PHACTR1: variants seen among roughly 807,000 people sequenced by gnomAD.
PHACTR1 encodes the protein RPEL repeat containing 1.
PHACTR1 carries 16 observed loss-of-function variants against 69.2 expected under a neutral mutation model. That is an observed-to-expected ratio of 0.23 (90% CI 0.16 to 0.35). The LOEUF (loss-of-function observed/expected upper bound fraction) is 0.35, where lower values mean the gene tolerates loss of function less well. Ranked by LOEUF, PHACTR1 falls within the 10% of genes least tolerant of loss-of-function variation. PHACTR1 has a pLI of 1.00. For missense variants in PHACTR1, 510 were observed against 734.7 expected, an observed-to-expected ratio of 0.69 and a Z score of 3.54; for synonymous variants, 312 against 284.5, an observed-to-expected ratio of 1.10 and a Z score of -0.97.
chr6:12,773,371 T>G (rs576410759), intron 4 of PHACTR1, among the ~76,000 whole-genome samples: 1 of 152,312 alleles, frequency 6.6e-6, no homozygotes, highest in African/African-American at 2.4e-5. Flanking sequence ...AACAATAGTG[T>G]GACAAATGGT....
intron 4 of PHACTR1, among the ~76,000 whole-genome samples, chr6:12,836,253 C>T (rs1307064967): frequency 6.6e-6 from 1 of 152,156 alleles, no homozygotes; most frequent in Non-Finnish European, 1.5e-5. Flanking sequence ...TCCCTCTTCT[C>T]TCTCCTGCCA....
chr6:12,930,640 A>T (rs1040793985), intron 4 of PHACTR1, among the ~76,000 whole-genome samples: 44 of 152,242 alleles, frequency 2.9e-4, no homozygotes, highest in African/African-American at 1.0e-3. Flanking sequence ...ATAAACATCA[A>T]CTCAAGGCCA....
intron 4 of PHACTR1, among the ~76,000 whole-genome samples, chr6:12,914,143 G>A (rs1786711284): frequency 1.3e-5 from 2 of 152,022 alleles, no homozygotes; most frequent in Admixed American, 6.6e-5. Flanking sequence ...GGGATTACAA[G>A]CACATGCCAC....
At chr6:13,173,579 G>C (rs1252347547) in intron 6 of PHACTR1, among the ~76,000 whole-genome samples, 2 of 152,180 alleles carry the variant, frequency 1.3e-5, no homozygotes, top group Admixed American at 6.6e-5. Flanking sequence ...TTAGTTAACT[G>C]TTACTCAACA....
chr6:13,122,863 A>G (rs1393631221), intron 5 of PHACTR1, among the ~76,000 whole-genome samples: 2 of 152,198 alleles, frequency 1.3e-5, no homozygotes, highest in Admixed American at 6.5e-5. Flanking sequence ...TTAAAGACAA[A>G]CAAGGGTTAC....
At chr6:12,942,042 C>T (rs910376411) in intron 4 of PHACTR1, among the ~76,000 whole-genome samples, 1 of 152,192 alleles carries the variant, frequency 6.6e-6, no homozygotes, top group African/African-American at 2.4e-5. Flanking sequence ...CAACTGACCT[C>T]ATCCAGAGTG....
intron 10 of PHACTR1, among the ~76,000 whole-genome samples, chr6:13,233,675 C>T (rs911548754): frequency 6.6e-6 from 1 of 152,166 alleles, no homozygotes; most frequent in Non-Finnish European, 1.5e-5. Flanking sequence ...ATTCAGTTAC[C>T]TCCACCTGGT....
chr6:12,994,384 C>A (rs192734712), intron 4 of PHACTR1, among the ~76,000 whole-genome samples: 12 of 152,178 alleles, frequency 7.9e-5, no homozygotes, highest in Non-Finnish European at 8.8e-5. Flanking sequence ...ATCATAGCTC[C>A]AAAATGAGGC....
intron 5 of PHACTR1, among the ~76,000 whole-genome samples, chr6:13,159,479 G>A (rs142625954): frequency 3.3e-4 from 51 of 152,326 alleles, no homozygotes; most frequent in Admixed American, 2.3e-3. Flanking sequence ...CTGGGAGGAA[G>A]TACCATGTTC....
Position 13,163,070 on chromosome 6 carries a change from C to T in PHACTR1, c.496+2786C>T, listed in dbSNP as rs568314965. Among the ~76,000 whole-genome samples the T allele has an allele frequency of 2.6e-5, 4 of 152,192 alleles. No individual in the cohort carries two copies. In the South Asian group the frequency reaches 8.3e-4, roughly 32 times the overall value. ...GACCAGCCTGGCCAACATGGTGAAA[C>T]CCTGTCTCTACTAAAAGTACAAAAA... On this transcript the variant is annotated intron_variant, in intron 6 of 14. Transcript: ENST00000332995.
At chr6:13,163,036 G>A (rs1759274086) in intron 6 of PHACTR1, among the ~76,000 whole-genome samples, 1 of 152,156 alleles carries the variant, frequency 6.6e-6, no homozygotes, top group South Asian at 2.1e-4. Flanking sequence ...CTTGAGGTCA[G>A]GAGTTCGAGA....
rs1193950496 is a variant in PHACTR1 at position 12,753,970 on chromosome 6, A to AT, written c.250+4190dup. Among the ~76,000 whole-genome samples the AT allele has an allele frequency of 4.2e-4, 57 of 134,500 alleles. 1 individual carries two copies. Among genetic ancestry groups the AT allele is most frequent in the Admixed American group, 1.0e-3 (14 of 13,428 alleles). 88.2% of individuals were successfully genotyped at this position (134,500 alleles called of 152,430 possible). A position where few individuals can be genotyped will look rare whatever the true frequency, so the allele number is the denominator to read the frequency against. On this transcript the variant is annotated intron_variant, in intron 4 of 14. Transcript: ENST00000332995. ...TATATATATATATATATATATATAT[A>AT]TTTTTTTTTTGAGACAGAGTCTCAC...
At chr6:12,843,035 T>C (rs1223426127) in intron 4 of PHACTR1, among the ~76,000 whole-genome samples, 2 of 152,218 alleles carry the variant, frequency 1.3e-5, no homozygotes, top group African/African-American at 2.4e-5. Context: ...AGTTTCTTTT[T>C]GTCATTGGAA....
intron 5 of PHACTR1, among the ~76,000 whole-genome samples, chr6:13,061,936 A>C (rs957133004): frequency 4.6e-5 from 7 of 152,212 alleles, no homozygotes; most frequent in Admixed American, 4.6e-4. Context: ...AGCTATTAGG[A>C]GACCCACCTA....
chr6:13,154,309 G>A (rs1215863763), intron 5 of PHACTR1, among the ~76,000 whole-genome samples: 2 of 151,964 alleles, frequency 1.3e-5, no homozygotes, highest in Non-Finnish European at 2.9e-5. Context: ...GTGATTACAG[G>A]CCACCACGCC....
intron 4 of PHACTR1, among the ~76,000 whole-genome samples, chr6:13,016,489 ATAGT>A (rs1226812023): frequency 2.0e-5 from 3 of 152,372 alleles, no homozygotes; most frequent in African/African-American, 4.8e-5. Context: ...TGCATATGAA[ATAGT>A]TATTTAAAGC....
intron 4 of PHACTR1, among the ~76,000 whole-genome samples, chr6:12,756,580 G>A (rs1016019478): frequency 6.6e-6 from 1 of 152,198 alleles, no homozygotes; most frequent in African/African-American, 2.4e-5. Context: ...ACTAGTAGTT[G>A]TTTAACATTT....
chr6:13,287,181 T>G lies in PHACTR1; in HGVS notation c.*103T>G. 8.8e-7 allele frequency: 1 copy of G among 1,139,504 alleles called. No individual in the cohort carries two copies. Among genetic ancestry groups the G allele is most frequent in the Non-Finnish European group, 1.2e-6 (1 of 806,120 alleles). The allele number at this position is 1,139,504 out of a possible 1,614,324, so 70.6% of individuals were successfully genotyped here. ...CTTCCCCATTACGATGTAAATCTTC[T>G]GAACTGCCTTTTTTTTAAAAAGAAG... On this transcript the variant is annotated 3_prime_UTR_variant, in exon 15 of 15. Transcript: ENST00000332995.
chr6:12,774,508 C>T (rs1769793367), intron 4 of PHACTR1, among the ~76,000 whole-genome samples: 1 of 152,128 alleles, frequency 6.6e-6, no homozygotes, highest in Non-Finnish European at 1.5e-5. Context: ...TCTCCTGCTT[C>T]AGCCTCCCAA....
Sources: gnomAD v4.1 joint callset for allele counts (sites outside exome capture counted in the v4.1 genomes callset) on GRCh38, gnomAD v4.1.1 for gene constraint, MANE v1.5 for transcripts, NCBI Gene and HGNC (gene_info 2026-07-23, HGNC 2026-07-21) for gene names.